The following C1QTNF3 variants were observed in gnomAD, a reference collection of about 807,000 sequenced individuals.
C1QTNF3 encodes C1q and TNF related 3, also known as complement C1q tumor necrosis factor-related protein 3.
Under a neutral mutation model 32.6 loss-of-function variants are expected in C1QTNF3, and 26 were observed. The ratio of observed to expected loss-of-function variants is 0.80; its 90% confidence interval spans 0.58 to 1.11. The LOEUF is 1.11. C1QTNF3 is among the 50% of genes least tolerant of loss of function. C1QTNF3 has a pLI of 0.00. For missense variants in C1QTNF3, 362 were observed against 398.2 expected, an observed-to-expected ratio of 0.91 and a Z score of 0.77; for synonymous variants, 155 against 146.0, an observed-to-expected ratio of 1.06 and a Z score of -0.44.
chr5:34,072,053 A>G, the C1QTNF3 span, among the ~76,000 whole-genome samples: 2 of 152,026 alleles, frequency 1.3e-5, no homozygotes, highest in African/African-American at 4.8e-5. Flanking sequence ...TAAACTTTTG[A>G]TAAGAAAGAT....
At chr5:34,076,135 G>A in the C1QTNF3 span, among the ~76,000 whole-genome samples, 4 of 151,618 alleles carry the variant, frequency 2.6e-5, 1 homozygote, top group African/African-American at 9.8e-5. Flanking sequence ...AGAATTGTAT[G>A]GGGTTGCTGT....
the C1QTNF3 span, chr5:34,200,948 C>A: frequency 4.0e-4 from 60 of 151,844 alleles, no homozygotes; most frequent in African/African-American, 1.4e-3. Flanking sequence ...AGACCAATAT[C>A]AAAATCTTTC....
At chr5:34,083,351 A>G in the C1QTNF3 span, among the ~76,000 whole-genome samples, 4 of 151,582 alleles carry the variant, frequency 2.6e-5, no homozygotes, top group Non-Finnish European at 5.9e-5. Flanking sequence ...ACAATACAAC[A>G]CCTATTTTAA....
chr5:34,147,710 A>G, the C1QTNF3 span, among the ~76,000 whole-genome samples: 2 of 152,142 alleles, frequency 1.3e-5, no homozygotes, highest in African/African-American at 4.8e-5. Context: ...ACTACTTATC[A>G]TGTACTATGC....
At chr5:34,156,831 C>CT in the C1QTNF3 span, among the ~76,000 whole-genome samples, 4 of 152,108 alleles carry the variant, frequency 2.6e-5, no homozygotes, top group Non-Finnish European at 5.9e-5. Flanking sequence ...TTTTATATCA[C>CT]TTTTTTCTAA....
chr5:34,098,755 T>C, the C1QTNF3 span, among the ~76,000 whole-genome samples: 1 of 152,136 alleles, frequency 6.6e-6, no homozygotes, highest in African/African-American at 2.4e-5. Flanking sequence ...CTGAGGAGTA[T>C]GTGTTTCACT....
At chr5:34,178,049 T>A in the C1QTNF3 span, among the ~76,000 whole-genome samples, 21 of 147,856 alleles carry the variant, frequency 1.4e-4, no homozygotes, top group South Asian at 1.5e-3. Flanking sequence ...GGTGGATCGC[T>A]TGAGGTCAAA....
the C1QTNF3 span, among the ~76,000 whole-genome samples, chr5:34,056,454 G>GTGTGTGTA: frequency 2.3e-3 from 114 of 48,836 alleles, 1 homozygote; most frequent in South Asian, 3.6e-3. Context: ...GTGTGTGTGT[G>GTGTGTGTA]TATATATATA....
chr5:34,023,127 T>C (rs1360786275), intron 5 of C1QTNF3, among the ~76,000 whole-genome samples: 5 of 152,156 alleles, frequency 3.3e-5, no homozygotes, highest in Non-Finnish European at 7.4e-5. Context: ...AGTGCTGGGA[T>C]TACAGGCGTG....
At chr5:34,120,627 C>T in the C1QTNF3 span, among the ~76,000 whole-genome samples, 3 of 152,136 alleles carry the variant, frequency 2.0e-5, no homozygotes, top group Non-Finnish European at 4.4e-5. Context: ...CCATGCTGTT[C>T]TCATGATAGT....
At chr5:34,140,416 TTTTG>T in the C1QTNF3 span, among the ~76,000 whole-genome samples, 2 of 152,266 alleles carry the variant, frequency 1.3e-5, no homozygotes, top group South Asian at 2.1e-4. Context: ...ATGACATAAA[TTTTG>T]TTTGAGAATA....
At chr5:34,159,331 C>T in the C1QTNF3 span, among the ~76,000 whole-genome samples, 16 of 151,980 alleles carry the variant, frequency 1.1e-4, no homozygotes, top group African/African-American at 3.6e-4. Flanking sequence ...TTCCAAGAAA[C>T]TAATTTTCAT....
chr5:34,243,819 G>A, the C1QTNF3 span, among the ~76,000 whole-genome samples: 1 of 151,700 alleles, frequency 6.6e-6, no homozygotes, highest in Non-Finnish European at 1.5e-5. Context: ...ATGGGGGTGG[G>A]GGAGAGAGGG....
the C1QTNF3 span, among the ~76,000 whole-genome samples, chr5:34,056,420 ATGTGTG>A: frequency 0.018 from 688 of 38,568 alleles, 29 homozygotes; most frequent in African/African-American, 0.028. Flanking sequence ...ATGTATATGT[ATGTGTG>A]TGTGTGTGTG....
the C1QTNF3 span, among the ~76,000 whole-genome samples, chr5:34,066,266 A>C: frequency 1.3e-5 from 2 of 152,190 alleles, no homozygotes; most frequent in African/African-American, 2.4e-5. Context: ...AGACACTTTA[A>C]CAACCACCTG....
chr5:34,022,827 G>GT (rs369835927), intron 5 of C1QTNF3, among the ~76,000 whole-genome samples: 3 of 152,172 alleles, frequency 2.0e-5, no homozygotes, highest in Admixed American at 6.5e-5. Context: ...TTCAAAGTCA[G>GT]TTTTTTTGTT....
At chr5:34,053,439 G>C in the C1QTNF3 span, among the ~76,000 whole-genome samples, 2 of 152,172 alleles carry the variant, frequency 1.3e-5, no homozygotes, top group African/African-American at 4.8e-5. Flanking sequence ...CTGTCTGCTG[G>C]TGTGACATGG....
the C1QTNF3 span, among the ~76,000 whole-genome samples, chr5:34,196,082 G>T: frequency 6.6e-6 from 1 of 152,292 alleles, no homozygotes; most frequent in African/African-American, 2.4e-5. Context: ...AACACAATTT[G>T]CCAACACTTT....
chr5:34,072,405 G>GAAAGAA, the C1QTNF3 span, among the ~76,000 whole-genome samples: 1 of 151,542 alleles, frequency 6.6e-6, no homozygotes, highest in Non-Finnish European at 1.5e-5. Context: ...AAGAAAGAAA[G>GAAAGAA]AAAGAAAGAA....
Sources: gnomAD v4.1 joint callset for allele counts (sites outside exome capture counted in the v4.1 genomes callset) on GRCh38, gnomAD v4.1.1 for gene constraint, MANE v1.5 for transcripts, NCBI Gene and HGNC (gene_info 2026-07-23, HGNC 2026-07-21) for gene names.